The following OCA2 variants were observed in gnomAD, a reference collection of about 807,000 sequenced individuals.
OCA2 encodes the protein P protein.
Under a neutral mutation model 100.2 loss-of-function variants are expected in OCA2, and 77 were observed. The observed-to-expected ratio is 0.77, with a 90% CI of 0.64 to 0.93. OCA2 has a LOEUF of 0.93. OCA2 is among the 40% of genes least tolerant of loss of function. The pLI is 0.00. For synonymous variants in OCA2, 432 were observed against 439.2 expected, an observed-to-expected ratio of 0.98 and a Z score of 0.21; for missense variants, 1,062 against 1,089.1, an observed-to-expected ratio of 0.98 and a Z score of 0.35.
intron 23 of OCA2, among the ~76,000 whole-genome samples, chr15:27,795,080 A>G (rs1464710020): frequency 3.3e-5 from 5 of 152,166 alleles, no homozygotes; most frequent in African/African-American, 1.2e-4. Flanking sequence ...CGTTCGTTCC[A>G]TTCCAGGAGT....
chr15:27,874,983 G>A (rs2036729485), intron 19 of OCA2, among the ~76,000 whole-genome samples: 1 of 152,066 alleles, frequency 6.6e-6, no homozygotes, highest in South Asian at 2.1e-4. Context: ...ATACACAATG[G>A]GAAATATGAA....
intron 19 of OCA2, among the ~76,000 whole-genome samples, chr15:27,897,781 G>T (rs12595388): frequency 6.6e-6 from 1 of 151,926 alleles, no homozygotes; most frequent in South Asian, 2.1e-4. Context: ...TGCACCGTGC[G>T]CCTGGAAAAT....
intron 9 of OCA2, among the ~76,000 whole-genome samples, chr15:28,010,773 G>A (rs1400347100): frequency 1.3e-5 from 2 of 152,164 alleles, no homozygotes; most frequent in African/African-American, 4.8e-5. Context: ...ACATGAAAAA[G>A]CAACTGAAGT....
At chr15:28,040,573 A>G (rs944027867) in intron 2 of OCA2, among the ~76,000 whole-genome samples, 26 of 152,208 alleles carry the variant, frequency 1.7e-4, no homozygotes, top group African/African-American at 5.5e-4. Flanking sequence ...TTTTGAAGAG[A>G]TTAACAAAAT....
At chr15:28,001,534 CT>C (rs1318752773) in intron 9 of OCA2, among the ~76,000 whole-genome samples, 1 of 152,132 alleles carries the variant, frequency 6.6e-6, no homozygotes, top group Non-Finnish European at 1.5e-5. Context: ...GGATTTAATT[CT>C]ACATTTCTCA....
intron 9 of OCA2, among the ~76,000 whole-genome samples, chr15:28,006,750 A>G (rs1280203922): frequency 6.6e-6 from 1 of 152,254 alleles, no homozygotes; most frequent in East Asian, 1.9e-4. Flanking sequence ...CTTGCAGACA[A>G]AAAGAAATGA....
At chr15:27,988,217 C>T (rs949657112) in intron 11 of OCA2, among the ~76,000 whole-genome samples, 4 of 151,930 alleles carry the variant, frequency 2.6e-5, no homozygotes, top group African/African-American at 7.3e-5. Flanking sequence ...CTGGTTGTAA[C>T]GACCCTGTAC....
intron 2 of OCA2, among the ~76,000 whole-genome samples, chr15:28,062,555 T>G (rs1421889932): frequency 6.6e-6 from 1 of 152,154 alleles, no homozygotes; most frequent in Non-Finnish European, 1.5e-5. Flanking sequence ...TTCACAAAAG[T>G]TTTTCTTTTT....
intron 21 of OCA2, among the ~76,000 whole-genome samples, chr15:27,853,793 A>G (rs1567025440): frequency 6.6e-6 from 1 of 152,118 alleles, no homozygotes; most frequent in Non-Finnish European, 1.5e-5. Context: ...GCGTATGTCA[A>G]CCACTCTAAA....
At chr15:27,782,363 G>GA (rs1161502691) in intron 23 of OCA2, among the ~76,000 whole-genome samples, 1 of 152,216 alleles carries the variant, frequency 6.6e-6, no homozygotes, top group Non-Finnish European at 1.5e-5. Context: ...AACAAATGTG[G>GA]AGTGTCTCCC....
intron 14 of OCA2, among the ~76,000 whole-genome samples, chr15:27,974,482 C>T (rs540026311): frequency 3.3e-5 from 5 of 152,230 alleles, no homozygotes; most frequent in African/African-American, 1.2e-4. Flanking sequence ...AAATTAAAAT[C>T]AAGGCCGGGC....
rs150906159 is a variant in OCA2, at chr15:27,955,564, C to T, written c.1785-349G>A. On this transcript the variant is annotated intron_variant, in intron 16 of 23. Transcript: ENST00000354638. ...ATTTTCCTCTTTATGCACACTTCTA[C>T]GGTCCTGAATCTCTTTGTTTCCAAA... Among the ~76,000 whole-genome samples the T allele has an allele frequency of 6.0e-4, 91 of 152,310 alleles. No homozygotes were observed. In the South Asian group the frequency reaches 0.016, roughly 26 times the overall value.
At chr15:27,791,254 C>A (rs758301793) in intron 23 of OCA2, among the ~76,000 whole-genome samples, 2 of 151,954 alleles carry the variant, frequency 1.3e-5, no homozygotes, top group Non-Finnish European at 2.9e-5. Flanking sequence ...ATGTATTTGC[C>A]CCAAATTGGA....
At chr15:27,856,810 T>C (rs1330730376) in intron 21 of OCA2, among the ~76,000 whole-genome samples, 3 of 152,002 alleles carry the variant, frequency 2.0e-5, no homozygotes, top group Non-Finnish European at 4.4e-5. Flanking sequence ...AAGAAAAACT[T>C]CAATGACCAT....
chr15:27,747,668 G>A, the OCA2 span, among the ~76,000 whole-genome samples: 1 of 152,068 alleles, frequency 6.6e-6, no homozygotes, highest in African/African-American at 2.4e-5. Flanking sequence ...AGTTGTACCT[G>A]TTTACCTAAA....
chr15:27,741,250 G>A, the OCA2 span, among the ~76,000 whole-genome samples: 5 of 152,172 alleles, frequency 3.3e-5, no homozygotes, highest in African/African-American at 1.2e-4. Flanking sequence ...GATTCCTATT[G>A]TCAAATTAAA....
chr15:27,952,026 A>C, intron 17 of OCA2, 134 bp from the exon 18 acceptor site: 1 of 728,260 alleles, frequency 1.4e-6, no homozygotes, highest in South Asian at 1.5e-5. Flanking sequence ...TTGAAAGAAA[A>C]TGGCAAAGTA....
intron 18 of OCA2, among the ~76,000 whole-genome samples, chr15:27,947,492 G>A (rs904063125): frequency 2.0e-5 from 3 of 152,136 alleles, no homozygotes; most frequent in Non-Finnish European, 4.4e-5. Flanking sequence ...TCTCCTCTCT[G>A]TCACCACAGC....
In OCA2 at chr15:27,983,493, A is replaced by G. The variant is rs745738408; in HGVS notation, c.1365-10T>C. 34 of 1,614,022 alleles carry G rather than the reference A, an allele frequency of 2.1e-5. No individual in the cohort carries two copies. The highest frequency in any genetic ancestry group is 2.9e-5 in the Non-Finnish European group (34 of 1,180,014). On this transcript the variant is annotated splice_polypyrimidine_tract_variant and intron_variant, in intron 13 of 23. Transcript: ENST00000354638. ...GAGCACCTCACACAACCTGTCACAA[A>G]TGGAGGAAAATGAAAGTAGTCCCAC...
Sources: allele counts gnomAD v4.1 joint callset (sites outside exome capture counted in the v4.1 genomes callset), GRCh38; gene constraint gnomAD v4.1.1; transcripts MANE v1.5; gene names NCBI Gene and HGNC (gene_info 2026-07-23, HGNC 2026-07-21).